Variants in NPFFR2 observed in about 807,000 individuals in gnomAD.
NPFFR2 encodes the protein G-protein coupled receptor 74.
NPFFR2 carries 15 observed loss-of-function variants against 13.1 expected under a neutral mutation model. That is an observed-to-expected ratio of 1.15 (90% CI 0.77 to 1.76). The LOEUF is 1.76. NPFFR2 is among the 40% of genes most tolerant of loss of function. The probability of loss-of-function intolerance (pLI) is 0.00; values close to 1 mark genes in which losing one functional copy is unlikely to be tolerated. For missense variants in NPFFR2, 572 were observed against 503.5 expected, an observed-to-expected ratio of 1.14 and a Z score of -1.30; for synonymous variants, 190 against 175.7, an observed-to-expected ratio of 1.08 and a Z score of -0.65.
At chr4:72,064,032 G>A (rs1318337653) in intron 1 of NPFFR2, among the ~76,000 whole-genome samples, 2 of 152,304 alleles carry the variant, frequency 1.3e-5, no homozygotes, top group South Asian at 2.1e-4. Flanking sequence ...CAAAGGCATA[G>A]GGATGTGAAT....
intron 1 of NPFFR2, among the ~76,000 whole-genome samples, chr4:72,122,466 G>A (rs1215784453): frequency 2.6e-5 from 4 of 152,032 alleles, no homozygotes; most frequent in Non-Finnish European, 4.4e-5. Context: ...TCAGCACCAC[G>A]TCACACTTAT....
At position 72,057,186 on chromosome 4, in the gene NPFFR2, A is replaced by AATCATC. The variant is rs142309424; in HGVS notation, c.-8+25001_-8+25006dup. On this transcript the variant is annotated intron_variant, in intron 1 of 3. Coordinates refer to ENST00000308744, the MANE Select transcript of NPFFR2 (RefSeq NM_004885.3). Reference sequence around the variant, plus strand: ...TAGAATTTAAAAATTACCACTTGGCAATCATCATCATCATCATCATTGACT... The same window carrying AATCATC: ...TAGAATTTAAAAATTACCACTTGGCAATCATCATCATCATCATCATCATCATTGACT... 4.9e-4 allele frequency among the ~76,000 whole-genome samples: 3 copies of AATCATC among 6,164 alleles called. No homozygotes were observed. The South Asian group carries it at 0.023, about 48-fold the overall frequency. 4.0% of individuals were successfully genotyped at this position (6,164 alleles called of 152,430 possible).
chr4:72,109,831 C>T (rs1379629256), intron 1 of NPFFR2, among the ~76,000 whole-genome samples: 1 of 151,990 alleles, frequency 6.6e-6, no homozygotes, highest in African/African-American at 2.4e-5. Flanking sequence ...GTGCCCTTGT[C>T]TTCTTCCATT....
chr4:72,147,187 A>T lies in NPFFR2; in HGVS notation c.638A>T (p.Gln213Leu). Residue 213 changes from glutamine (Q) to leucine (L), a missense_variant, in exon 4 of 4, where the codon CAG (glutamine) becomes CTG (leucine). Transcript: ENST00000308744. ...TGGTGCCGGGAAGACTGGCCAAATC[A>T]GGAAATGAGGAAGATCTACACCACT... ...VYWCREDWPN[Q>L]EMRKIYTTVL... 6.4e-7 allele frequency: 1 copy of T among 1,562,740 alleles called. No homozygotes were observed. Among genetic ancestry groups the T allele is most frequent in the South Asian group, 1.1e-5 (1 of 89,006 alleles).
chr4:72,051,696 G>A (rs1161694561), intron 1 of NPFFR2, among the ~76,000 whole-genome samples: 1 of 152,032 alleles, frequency 6.6e-6, no homozygotes, highest in East Asian at 1.9e-4. Context: ...AAAAATTGGT[G>A]AATCCAGGAT....
intron 1 of NPFFR2, among the ~76,000 whole-genome samples, chr4:72,084,901 C>T (rs1720723743): frequency 6.6e-6 from 1 of 152,136 alleles, no homozygotes; most frequent in Non-Finnish European, 1.5e-5. Flanking sequence ...TTCACTTTCT[C>T]ATTTACCCTG....
chr4:72,038,458 T>C (rs1376864070), intron 1 of NPFFR2, among the ~76,000 whole-genome samples: 1 of 152,210 alleles, frequency 6.6e-6, no homozygotes, highest in Non-Finnish European at 1.5e-5. Context: ...CATTTCCCTA[T>C]TAGATTATCC....
chr4:72,070,561 G>GTGT (rs368654718), intron 1 of NPFFR2, among the ~76,000 whole-genome samples: 33,122 of 131,460 alleles, frequency 0.25, 4,964 homozygotes, highest in Middle Eastern at 0.35. Flanking sequence ...GTGTGTGTGT[G>GTGT]GGGGGGGGGG....
intron 1 of NPFFR2, among the ~76,000 whole-genome samples, chr4:72,042,053 G>T (rs1019996091): frequency 4.7e-4 from 71 of 152,006 alleles, no homozygotes; most frequent in Admixed American, 1.9e-3. Flanking sequence ...TAAATTCTTT[G>T]CCATGGCCAA....
rs779228297 is a variant in NPFFR2 at position 72,032,172 on chromosome 4, C to G, written c.-36C>G. 6.2e-7 allele frequency: 1 copy of G among 1,612,122 alleles called. No homozygotes were observed. Among genetic ancestry groups the G allele is most frequent in the South Asian group, 1.1e-5 (1 of 90,844 alleles). ...CAGACGGGCTTGGTGGATTCTGGTT[C>G]CTGCCGCCGACAGGGCTCGCCGGGA... On this transcript the variant is annotated 5_prime_UTR_variant, in exon 1 of 4. Transcript: ENST00000308744.
At position 72,101,406 on chromosome 4, in the gene NPFFR2, T is replaced by C. The variant is rs756431559; in HGVS notation, c.-7-27179T>C. Among the ~76,000 whole-genome samples, 161 of 151,796 alleles carry C rather than the reference T, an allele frequency of 1.1e-3. 1 individual carries two copies. Among genetic ancestry groups the C allele is most frequent in the Non-Finnish European group, 2.2e-3 (147 of 67,882 alleles). Reference sequence around the variant, plus strand: ...GAGACAATTATTTATATGTTTTTTCTCTCAAGGTATTAACTTTCAAATTAG... The same window carrying C: ...GAGACAATTATTTATATGTTTTTTCCCTCAAGGTATTAACTTTCAAATTAG... On this transcript the variant is annotated intron_variant, in intron 1 of 3. Coordinates refer to ENST00000308744, the MANE Select transcript of NPFFR2 (RefSeq NM_004885.3).
chr4:72,131,240 C>A (rs559896847), intron 2 of NPFFR2, among the ~76,000 whole-genome samples: 1 of 151,992 alleles, frequency 6.6e-6, no homozygotes, highest in East Asian at 1.9e-4. Flanking sequence ...AGCCCAAGGT[C>A]CAAGCTTGAA....
At chr4:72,146,724 G>A (rs983599040) in intron 3 of NPFFR2, 4 of 408,638 alleles carry the variant, frequency 9.8e-6, no homozygotes, top group African/African-American at 4.1e-5. Flanking sequence ...ACGGTTTTAG[G>A]CATTCATGTT....
rs539293357 is a variant in NPFFR2 at position 72,033,046 on chromosome 4, C to T, written c.-8+846C>T. On this transcript the variant is annotated intron_variant, in intron 1 of 3. Transcript: ENST00000308744. ...ATTCAAAGTTGTTTTAAACATATGTCTAAATTTCTAATTCCATTCACATCC... is the reference window on the plus strand; with the variant it reads ...ATTCAAAGTTGTTTTAAACATATGTTTAAATTTCTAATTCCATTCACATCC... 9.2e-5 allele frequency among the ~76,000 whole-genome samples: 14 copies of T among 152,110 alleles called. No homozygotes were observed. In the East Asian group the frequency reaches 2.7e-3, roughly 29 times the overall value.
intron 1 of NPFFR2, among the ~76,000 whole-genome samples, chr4:72,106,978 A>T (rs1396803880): frequency 6.6e-6 from 1 of 151,932 alleles, no homozygotes; most frequent in Non-Finnish European, 1.5e-5. Flanking sequence ...TGCAGCTGCT[A>T]TATAAAAATA....
chr4:72,100,009 T>C (rs1386805007), intron 1 of NPFFR2, among the ~76,000 whole-genome samples: 2 of 152,176 alleles, frequency 1.3e-5, no homozygotes, highest in East Asian at 3.9e-4. Flanking sequence ...ATTTTGTACA[T>C]TAATGTTTAA....
chr4:72,108,569 A>G (rs528949858), intron 1 of NPFFR2, among the ~76,000 whole-genome samples: 4 of 151,876 alleles, frequency 2.6e-5, no homozygotes, highest in African/African-American at 7.2e-5. Flanking sequence ...ACCTTAAAAA[A>G]CCCCAAAAGA....
intron 1 of NPFFR2, among the ~76,000 whole-genome samples, chr4:72,098,320 C>T (rs1315625399): frequency 6.6e-6 from 1 of 152,064 alleles, no homozygotes; most frequent in Non-Finnish European, 1.5e-5. Flanking sequence ...CACAAATAAC[C>T]GTGGAGCTGT....
intron 1 of NPFFR2, among the ~76,000 whole-genome samples, chr4:72,035,498 C>CG (rs35860160): frequency 1.4e-5 from 1 of 69,254 alleles, no homozygotes; most frequent in Non-Finnish European, 3.0e-5. Flanking sequence ...CATAGTTTAG[C>CG]CCCCCCTAAA....
Sources: allele counts gnomAD v4.1 joint callset (sites outside exome capture counted in the v4.1 genomes callset), GRCh38; gene constraint gnomAD v4.1.1; transcripts MANE v1.5; gene names NCBI Gene and HGNC (gene_info 2026-07-23, HGNC 2026-07-21).